LAMA2: variants seen among roughly 807,000 people sequenced by gnomAD.
LAMA2 encodes laminin subunit alpha-2.
In LAMA2, 269 loss-of-function variants were observed where a neutral mutation model predicts 364.8. The observed-to-expected ratio is 0.74, with a 90% confidence interval of 0.67 to 0.82. The LOEUF (loss-of-function observed/expected upper bound fraction) is 0.82. LAMA2 is among the 40% of genes least tolerant of loss of function. The pLI is 0.00. For synonymous variants in LAMA2, 1,379 were observed against 1,370.6 expected, an observed-to-expected ratio of 1.01 and a Z score of -0.14; for missense variants, 3,807 against 3,873.2, an observed-to-expected ratio of 0.98 and a Z score of 0.45.
At chr6:129,463,217 A>C (rs1783350022) in intron 49 of LAMA2, among the ~76,000 whole-genome samples, 2 of 152,062 alleles carry the variant, frequency 1.3e-5, no homozygotes, top group South Asian at 4.1e-4. Context: ...CAAAAGAGAA[A>C]CAAAAGGCAA....
chr6:129,216,502 T>A (rs1038491090), intron 12 of LAMA2, among the ~76,000 whole-genome samples: 4 of 152,196 alleles, frequency 2.6e-5, no homozygotes, highest in African/African-American at 9.6e-5. Context: ...AAGTAAGTAT[T>A]AATTAATGGT....
chr6:129,423,205 T>A (rs1041079763), intron 40 of LAMA2, among the ~76,000 whole-genome samples: 6 of 151,936 alleles, frequency 3.9e-5, no homozygotes, highest in Non-Finnish European at 5.9e-5. Context: ...ACCTATTTTT[T>A]AAAAAAACCT....
intron 48 of LAMA2, among the ~76,000 whole-genome samples, chr6:129,458,863 AT>A (rs1783103055): frequency 6.6e-6 from 1 of 152,056 alleles, no homozygotes. Flanking sequence ...ACTATTTAAA[AT>A]TTTAACTATT....
Position 129,252,209 on chromosome 6 carries a change from T to G in LAMA2, c.2010T>G (p.Arg670=), listed in dbSNP as rs1786306489. ...TACATGGCACACATTTTCCAGTCCGTAGAAAGGAATTTATGACAGTGCTTG... is the reference window on the plus strand; with the variant it reads ...TACATGGCACACATTTTCCAGTCCGGAGAAAGGAATTTATGACAGTGCTTG... ...FTIHGTHFPV[R]RKEFMTVLAN... Residue 670 remains arginine (R), a synonymous_variant, in exon 14 of 65, where the codon CGT becomes CGG. Coordinates refer to ENST00000421865, the MANE Select transcript of LAMA2 (RefSeq NM_000426.4). 1 of 1,613,870 alleles carries G rather than the reference T, an allele frequency of 6.2e-7. No homozygotes were observed. Among genetic ancestry groups the G allele is most frequent in the Non-Finnish European group, 8.5e-7 (1 of 1,179,894 alleles).
chr6:129,099,120 T>G (rs1390926974), intron 4 of LAMA2, among the ~76,000 whole-genome samples: 3 of 69,782 alleles, frequency 4.3e-5, no homozygotes, highest in African/African-American at 7.2e-5. Flanking sequence ...GGAGGTTTTT[T>G]TTTTGTTTTT....
At chr6:129,425,051 A>G (rs1284253923) in intron 40 of LAMA2, among the ~76,000 whole-genome samples, 1 of 152,064 alleles carries the variant, frequency 6.6e-6, no homozygotes, top group East Asian at 1.9e-4. Flanking sequence ...TTCCATTTGT[A>G]TAAAATTCTA....
intron 4 of LAMA2, among the ~76,000 whole-genome samples, chr6:129,119,049 A>C: frequency 6.6e-6 from 1 of 152,160 alleles, no homozygotes; most frequent in Middle Eastern, 3.2e-3. Flanking sequence ...AGACAAAGAA[A>C]GTCCCCTCTT....
chr6:129,057,749 T>C (rs1258807030), intron 2 of LAMA2, among the ~76,000 whole-genome samples: 1 of 152,154 alleles, frequency 6.6e-6, no homozygotes, highest in African/African-American at 2.4e-5. Flanking sequence ...ATGGTCCCCC[T>C]CTCATCACCA....
At chr6:129,509,613 C>G (rs1436440927) in intron 62 of LAMA2, among the ~76,000 whole-genome samples, 2 of 152,090 alleles carry the variant, frequency 1.3e-5, no homozygotes, top group East Asian at 3.8e-4. Context: ...AAGAGACTGT[C>G]CTTTCCCTAA....
chr6:128,957,836 A>T (rs1360616494), intron 1 of LAMA2, among the ~76,000 whole-genome samples: 549 of 51,220 alleles, frequency 0.011, no homozygotes, highest in Middle Eastern at 0.021. Flanking sequence ...TACTTCATGC[A>T]TTTTTTTTTT....
intron 61 of LAMA2, among the ~76,000 whole-genome samples, chr6:129,505,775 G>A (rs1480888590): frequency 1.1e-4 from 17 of 151,772 alleles, no homozygotes; most frequent in African/African-American, 2.2e-4. Flanking sequence ...CTCATGATCC[G>A]CCTGCCTCGG....
intron 34 of LAMA2, among the ~76,000 whole-genome samples, chr6:129,373,994 G>T (rs1278838491): frequency 6.6e-6 from 1 of 152,104 alleles, no homozygotes; most frequent in Non-Finnish European, 1.5e-5. Context: ...TAACATAAAA[G>T]GCGCAGAAAT....
At chr6:129,344,061 G>A (rs1562478831) in intron 30 of LAMA2, among the ~76,000 whole-genome samples, 1 of 152,066 alleles carries the variant, frequency 6.6e-6, no homozygotes, top group Non-Finnish European at 1.5e-5. Context: ...ACCAGTCTAA[G>A]AAATAGTTAT....
intron 1 of LAMA2, among the ~76,000 whole-genome samples, chr6:128,936,164 T>C (rs1048564151): frequency 2.6e-5 from 4 of 152,186 alleles, no homozygotes; most frequent in Non-Finnish European, 5.9e-5. Flanking sequence ...GAACTGTGAT[T>C]CAATTAAAAC....
chr6:129,339,469 C>G (rs761410742), intron 29 of LAMA2, among the ~76,000 whole-genome samples: 4 of 152,184 alleles, frequency 2.6e-5, no homozygotes, highest in Non-Finnish European at 4.4e-5. Flanking sequence ...AAGCAGAAGT[C>G]TGGAACCCAT....
chr6:129,076,398 C>T (rs1428761241), intron 3 of LAMA2, among the ~76,000 whole-genome samples: 4 of 141,804 alleles, frequency 2.8e-5, no homozygotes, highest in African/African-American at 1.0e-4. Flanking sequence ...GAAAAAACAC[C>T]TAAATTGTAA....
chr6:129,090,867 C>T (rs933778113), intron 3 of LAMA2, among the ~76,000 whole-genome samples: 3 of 152,126 alleles, frequency 2.0e-5, no homozygotes, highest in African/African-American at 7.2e-5. Context: ...TTTATGGGGG[C>T]TCCCTTCATA....
At chr6:129,047,320 T>A (rs1203137758) in intron 1 of LAMA2, among the ~76,000 whole-genome samples, 1 of 152,246 alleles carries the variant, frequency 6.6e-6, no homozygotes, top group African/African-American at 2.4e-5. Flanking sequence ...TTAGCTTTCC[T>A]TATGTCACAC....
In LAMA2 at chr6:129,492,482, A is replaced by G. The variant is rs1272645443; in HGVS notation, c.8243A>G (p.His2748Arg). ...AFPTPTPVLTHGPCAAESEPA... is the reference protein window; with the variant it reads ...AFPTPTPVLTRGPCAAESEPA... Reference sequence around the variant, plus strand: ...CCTACGCCCACCCCAGTTCTGACACATGTAAGTGTTTATATTATCCCCATT... The same window carrying G: ...CCTACGCCCACCCCAGTTCTGACACGTGTAAGTGTTTATATTATCCCCATT... The change falls in exon 58 of 65, where the codon CAT (histidine) becomes CGT (arginine). Residue 2748 changes from histidine to arginine, a missense_variant and splice_region_variant. Physicochemically the swap from His to Arg is conservative, Grantham distance 29 (BLOSUM62 0). Around this residue, in one of 3 missense-constraint regions of LAMA2, gnomAD observed 3,333 missense variants for 3,345.7 expected, o/e 1.00. Transcript: ENST00000421865. 6.2e-7 allele frequency: 1 copy of G among 1,612,992 alleles called. No individual in the cohort carries two copies. The highest frequency in any genetic ancestry group is 8.5e-7 in the Non-Finnish European group (1 of 1,179,028).
Sources: gnomAD v4.1 joint callset for allele counts (sites outside exome capture counted in the v4.1 genomes callset) on GRCh38, gnomAD v4.1.1 for gene constraint, gnomAD v4.1.1 regional missense constraint, MANE v1.5 for transcripts, NCBI Gene and HGNC (gene_info 2026-07-23, HGNC 2026-07-21) for gene names.